The following NSMF variants were observed in gnomAD, a reference collection of about 807,000 sequenced individuals.
NSMF encodes nasal embryonic LHRH factor.
NSMF carries 31 observed loss-of-function variants against 71.0 expected under a neutral mutation model. That is an observed-to-expected ratio of 0.44 (90% CI 0.33 to 0.59). The LOEUF is 0.59. NSMF is among the 20% of genes least tolerant of loss of function. The pLI, the probability that NSMF is intolerant of heterozygous loss-of-function variation, is 0.04. For synonymous variants in NSMF, 345 were observed against 287.1 expected (o/e 1.20, Z -2.04); for missense variants, 673 against 740.5 (o/e 0.91, Z 1.06).
chr9:137,453,901 G>A lies in NSMF; in HGVS notation c.833-81C>T, dbSNP rs1830682935. 4.1e-6 allele frequency: 5 copies of A among 1,215,962 alleles called. No homozygotes were observed. Among genetic ancestry groups the A allele is most frequent in the Admixed American group, 4.1e-5 (2 of 49,176 alleles). 75.3% of individuals were successfully genotyped at this position (1,215,962 alleles called of 1,614,324 possible). ...CAGACCCCAGGCGAGGGGACCACAG[G>A]GGCCCTGGGCAGAGGAGGAAGCTAA... is the stretch of plus-strand genomic sequence containing the variant. On this transcript the variant is annotated intron_variant, in intron 7 of 15. Transcript: ENST00000371475. The surrounding 1 kb of genome is among the most constrained non-coding windows in gnomAD (Gnocchi z 4.5).
Position 137,452,742 on chromosome 9 carries a change from G to A in NSMF, c.1125C>T (p.Ile375=), listed in dbSNP as rs970148225. 10 of 1,606,158 alleles carry A rather than the reference G, an allele frequency of 6.2e-6. No individual in the cohort carries two copies. Among genetic ancestry groups the A allele is most frequent in the Non-Finnish European group, 8.5e-6 (10 of 1,177,510 alleles). Residue 375 remains isoleucine, a synonymous_variant, in exon 10 of 16, where the codon ATC becomes ATT. Coordinates refer to ENST00000371475, the MANE Select transcript of NSMF (RefSeq NM_001130969.3). ...IRRDDPSIIP[I]LYDHEHATFE... ...GGCCCGGGGCGGGACTCACGTAGAG[G>A]ATGGGGATGATGGAGGGGTCATCCC...
rs527342071 is a variant in NSMF at position 137,454,668 on chromosome 9, G to A, written c.780-225C>T. Reference sequence around the variant, plus strand: ...CCTTCAACTCCAGAACAAAGGTGCAGTGCCTGGCGCTCTGGATCAAGTCTC... The same window carrying A: ...CCTTCAACTCCAGAACAAAGGTGCAATGCCTGGCGCTCTGGATCAAGTCTC... On this transcript the variant is annotated intron_variant, in intron 6 of 15. Transcript: ENST00000371475. 9 of 1,528,210 alleles carry A rather than the reference G, an allele frequency of 5.9e-6. No homozygotes were observed. In the African/African-American group the frequency reaches 9.6e-5, roughly 16 times the overall value. 94.7% of individuals were successfully genotyped at this position (1,528,210 alleles called of 1,614,324 possible).
At chr9:137,456,743 G>C (rs547072568) in intron 3 of NSMF, among the ~76,000 whole-genome samples, 1 of 152,226 alleles carries the variant, frequency 6.6e-6, no homozygotes, top group Admixed American at 6.5e-5. Context: ...GCCACCCAAA[G>C]TTTGAGAAAC....
intron 1 of NSMF, 62 bp from the exon 2 acceptor site, chr9:137,458,611 C>T (rs940487297): frequency 2.7e-6 from 4 of 1,482,192 alleles, no homozygotes; most frequent in Non-Finnish European, 2.7e-6. Context: ...CACCGGGCCG[C>T]GCAAGAGCCG....
chr9:137,455,137 C>T, intron 6 of NSMF, 102 bp downstream of exon 6: 1 of 1,305,326 alleles, frequency 7.7e-7, no homozygotes, highest in East Asian at 2.3e-5. Flanking sequence ...CAGTGGTCGC[C>T]ACCACCCTTC....
rs925103582 is a variant in NSMF at position 137,448,433 on chromosome 9, C to G, written c.*961G>C. The G allele has an allele frequency of 4.6e-5, 7 of 152,356 alleles. No homozygotes were observed. Among genetic ancestry groups the G allele is most frequent in the Non-Finnish European group, 8.8e-5 (6 of 68,052 alleles). The allele number at this position is 152,356 out of a possible 1,614,324, so 9.4% of individuals were successfully genotyped here. The stretch of plus-strand genomic sequence containing the variant: ...TGGACAAAAGCTGGGAGCTCCTGTG[C>G]CCAGTCAGGAGCCCCTACAGTCCAC... On this transcript the variant is annotated 3_prime_UTR_variant, in exon 16 of 16. Coordinates refer to ENST00000371475, the MANE Select transcript of NSMF (RefSeq NM_001130969.3). The surrounding 1 kb of genome is among the most constrained non-coding windows in gnomAD (Gnocchi z 5.3).
At chr9:137,457,345 G>C in intron 3 of NSMF, 62 bp downstream of exon 3, 1 of 1,608,160 alleles carries the variant, frequency 6.2e-7, no homozygotes, top group Non-Finnish European at 8.5e-7. Flanking sequence ...GGCTGCTGCT[G>C]TCAGACCCTG....
Position 137,453,307 on chromosome 9 carries a change from A to T in NSMF, c.923-127T>A. 3 of 1,383,380 alleles carry T rather than the reference A, an allele frequency of 2.2e-6. No individual in the cohort carries two copies. The highest frequency in any genetic ancestry group is 2.5e-5 in the South Asian group (2 of 81,554). The allele number at this position is 1,383,380 out of a possible 1,614,324, so 85.7% of individuals were successfully genotyped here. A position where few individuals can be genotyped will look rare whatever the true frequency, so the allele number is the denominator to read the frequency against. ...TCCTCCAAGCAAGTGGGAGGACCAT[A>T]CAGAGGTCGCCGCCAGCCCGGCAGG... On this transcript the variant is annotated intron_variant, in intron 8 of 15. Coordinates refer to ENST00000371475, the MANE Select transcript of NSMF (RefSeq NM_001130969.3). This position sits in a 1 kb window ranked among gnomAD's most constrained non-coding sequence, Gnocchi z 4.5.
At chr9:137,455,424 G>C in intron 5 of NSMF, 117 bp from the exon 6 acceptor site, 1 of 1,220,732 alleles carries the variant, frequency 8.2e-7, no homozygotes, top group Non-Finnish European at 1.2e-6. Flanking sequence ...GGGCCCGGCA[G>C]AGGAGTCCCA....
chr9:137,449,710 G>A (rs1480845558), intron 14 of NSMF, 36 bp from the exon 15 acceptor site: 3 of 1,581,438 alleles, frequency 1.9e-6, no homozygotes, highest in South Asian at 1.1e-5. Context: ...CCGAGGCAGA[G>A]AGATGGGGAA....
Position 137,458,464 on chromosome 9 carries a change from TGGCACG to T in NSMF, c.133+18_133+23del. ...TTGGGCTGGGGGGTCTGGGCGGCCC[TGGCACG>T]GCCTCGCGTGCCCCTACCTGCGCCG... is the stretch of plus-strand genomic sequence containing the variant. On this transcript the variant is annotated intron_variant, in intron 2 of 15. Coordinates refer to ENST00000371475, the MANE Select transcript of NSMF (RefSeq NM_001130969.3). 6.4e-7 allele frequency: 1 copy of T among 1,561,880 alleles called. No individual in the cohort carries two copies. Among genetic ancestry groups the T allele is most frequent in the Non-Finnish European group, 8.6e-7 (1 of 1,156,812 alleles).
intron 12 of NSMF, 24 bp from the exon 13 acceptor site, chr9:137,450,279 T>C (rs201062328): frequency 1.3e-6 from 2 of 1,594,056 alleles, no homozygotes; most frequent in East Asian, 2.2e-5. Context: ...TGGTCAGGCA[T>C]CTGCTCCTCC....
chr9:137,449,508 C>T lies in NSMF; in HGVS notation c.1496-17G>A, dbSNP rs1839792203. 2 of 1,612,200 alleles carry T rather than the reference C, an allele frequency of 1.2e-6. No individual in the cohort carries two copies. The highest frequency in any genetic ancestry group is 2.7e-5 in the African/African-American group (2 of 74,916). ...TCTGCTTCCCTGGGCGGAGCGGGGGCAGGAGGCTCAGGCCTGGCCGGCCCT... is the reference window on the plus strand; with the variant it reads ...TCTGCTTCCCTGGGCGGAGCGGGGGTAGGAGGCTCAGGCCTGGCCGGCCCT... On this transcript the variant is annotated splice_polypyrimidine_tract_variant and intron_variant, in intron 15 of 15. Transcript: ENST00000371475.
In NSMF at chr9:137,449,587, T is replaced by C; in HGVS notation, c.1495+12A>G. 1 of 1,612,014 alleles carries C rather than the reference T, an allele frequency of 6.2e-7. No homozygotes were observed. Among genetic ancestry groups the C allele is most frequent in the Non-Finnish European group, 8.5e-7 (1 of 1,179,494 alleles). ...GTGGCTGCAGAGCTTCGGCCCAGCC[T>C]GGGTAACTCACCTTGGGCTGAGAGC... On this transcript the variant is annotated intron_variant, in intron 15 of 15. Coordinates refer to ENST00000371475, the MANE Select transcript of NSMF (RefSeq NM_001130969.3).
chr9:137,453,260 C>T lies in NSMF; in HGVS notation c.923-80G>A, dbSNP rs998049829. On this transcript the variant is annotated intron_variant, in intron 8 of 15. Transcript: ENST00000371475. The surrounding 1 kb of genome is among the most constrained non-coding windows in gnomAD (Gnocchi z 4.5). ...GCCATGGCCCCAAGGCCCACAGGGC[C>T]CGAAAGCCCCATCCCGGAGGGTCCT... 3 of 1,593,352 alleles carry T rather than the reference C, an allele frequency of 1.9e-6. No homozygotes were observed. The highest frequency in any genetic ancestry group is 2.7e-5 in the African/African-American group (2 of 74,608).
At chr9:137,458,976 C>CGGGCGGGGTCGGAGGTCCA (rs1425906832) in intron 1 of NSMF, 56 bp downstream of exon 1, 20 of 1,227,864 alleles carry the variant, frequency 1.6e-5, no homozygotes, top group Non-Finnish European at 2.1e-5. Flanking sequence ...GGGGCGGACT[C>CGGGCGGGGTCGGAGGTCCA]GGGCGGGGTC....
intron 6 of NSMF, chr9:137,454,819 C>T (rs1830751242): frequency 7.7e-7 from 1 of 1,306,278 alleles, no homozygotes; most frequent in Non-Finnish European, 1.0e-6. Flanking sequence ...CTCCTGTCTG[C>T]ACCACCCCAT....
At chr9:137,455,540 C>A in intron 5 of NSMF, 89 bp downstream of exon 5, 1 of 1,449,428 alleles carries the variant, frequency 6.9e-7, no homozygotes. Context: ...AGACCCAGGT[C>A]CCTGGCCTGC....
At position 137,453,254 on chromosome 9, in the gene NSMF, C is replaced by T. The variant is rs1258462914; in HGVS notation, c.923-74G>A. 2 of 1,597,736 alleles carry T rather than the reference C, an allele frequency of 1.3e-6. No homozygotes were observed. Among genetic ancestry groups the T allele is most frequent in the Non-Finnish European group, 8.5e-7 (1 of 1,175,348 alleles). On this transcript the variant is annotated intron_variant, in intron 8 of 15. Transcript: ENST00000371475. This position sits in a 1 kb window ranked among gnomAD's most constrained non-coding sequence, Gnocchi z 4.5. ...ATCCTGGCCATGGCCCCAAGGCCCA[C>T]AGGGCCCGAAAGCCCCATCCCGGAG...
Sources: allele counts gnomAD v4.1 joint callset (sites outside exome capture counted in the v4.1 genomes callset), GRCh38; gene constraint gnomAD v4.1.1; non-coding constraint Gnocchi (gnomAD v3.1); transcripts MANE v1.5; gene names NCBI Gene and HGNC (gene_info 2026-07-23, HGNC 2026-07-21).